The following AKAP13 variants were observed in gnomAD, a reference collection of about 807,000 sequenced individuals.
The protein encoded by AKAP13 is A-kinase anchoring protein 13.
In AKAP13, 80 loss-of-function variants were observed where a neutral mutation model predicts 264.5. The ratio of observed to expected loss-of-function variants is 0.30; its 90% confidence interval spans 0.25 to 0.36. The LOEUF is 0.36. Ranked by LOEUF, AKAP13 falls within the 10% of genes least tolerant of loss-of-function variation. The probability of loss-of-function intolerance (pLI) is 1.00; values close to 1 mark genes in which losing one functional copy is unlikely to be tolerated. For synonymous variants in AKAP13, 1,380 were observed against 1,250.2 expected (o/e 1.10, Z -2.19); for missense variants, 3,712 against 3,435.2 (o/e 1.08, Z -2.01).
intron 8 of AKAP13, among the ~76,000 whole-genome samples, chr15:85,636,870 T>G (rs545732829): frequency 6.6e-6 from 1 of 152,282 alleles, no homozygotes; most frequent in African/African-American, 2.4e-5. Flanking sequence ...CTGCCTTGGC[T>G]TCCCAAAGTG....
intron 8 of AKAP13, among the ~76,000 whole-genome samples, chr15:85,622,542 C>T (rs951623027): frequency 1.3e-5 from 2 of 152,072 alleles, no homozygotes; most frequent in Non-Finnish European, 2.9e-5. Context: ...TCTCAGTGTA[C>T]GTGTTGAAAA....
chr15:85,664,324 A>G (rs1188237658), intron 12 of AKAP13, among the ~76,000 whole-genome samples: 2 of 152,230 alleles, frequency 1.3e-5, no homozygotes, highest in Non-Finnish European at 2.9e-5. Context: ...TAGGTGGTTC[A>G]ACATTTGGAT....
At chr15:85,402,684 T>G (rs1157716141) in intron 1 of AKAP13, among the ~76,000 whole-genome samples, 2 of 152,268 alleles carry the variant, frequency 1.3e-5, no homozygotes, top group African/African-American at 2.4e-5. Context: ...TTTCGAGCAC[T>G]TACTTTGTAG....
chr15:85,444,640 G>A (rs1451684043), intron 1 of AKAP13, among the ~76,000 whole-genome samples: 1 of 152,204 alleles, frequency 6.6e-6, no homozygotes, highest in African/African-American at 2.4e-5. Flanking sequence ...GAATGTCTAA[G>A]ATGGACTACA....
In AKAP13 at chr15:85,715,922, G is replaced by A; in HGVS notation, c.5734G>A (p.Gly1912Arg). ...AAGTGTCTCCATACAGAACATTACT[G>A]GGTAAGTGGAGATATTTAAAGATAG... ...SKSVSIQNIT[G>R]VGNDENMSNT... Residue 1912 changes from glycine to arginine, a missense_variant and splice_region_variant, in exon 20 of 37, where the codon GGA becomes AGA. Gly to Arg is a moderately radical substitution (Grantham distance 125). Around this residue, in one of 3 missense-constraint regions of AKAP13, gnomAD observed 2,759 missense variants for 2,411.7 expected, o/e 1.14. Coordinates refer to ENST00000394518, the MANE Select transcript of AKAP13 (RefSeq NM_007200.5). The A allele has an allele frequency of 6.2e-7, 1 of 1,611,056 alleles. No individual in the cohort carries two copies. The highest frequency in any genetic ancestry group is 8.5e-7 in the Non-Finnish European group (1 of 1,179,252).
intron 1 of AKAP13, among the ~76,000 whole-genome samples, chr15:85,439,675 A>G (rs1260855756): frequency 6.9e-6 from 1 of 145,622 alleles, no homozygotes; most frequent in Non-Finnish European, 1.5e-5. Flanking sequence ...TTGTAGGGAC[A>G]TGGATGAAAT....
At chr15:85,588,376 G>C (rs544505143) in intron 8 of AKAP13, among the ~76,000 whole-genome samples, 51 of 152,316 alleles carry the variant, frequency 3.3e-4, no homozygotes, top group Non-Finnish European at 6.6e-4. Flanking sequence ...GAAGAAAAGA[G>C]AACACACCCT....
chr15:85,738,443 C>CT (rs1010464322), intron 33 of AKAP13, among the ~76,000 whole-genome samples: 2 of 151,866 alleles, frequency 1.3e-5, no homozygotes, highest in Admixed American at 6.6e-5. Flanking sequence ...AGAGCTAAGC[C>CT]TGGTAATTAA....
At chr15:85,605,717 C>T (rs1196379681) in intron 8 of AKAP13, among the ~76,000 whole-genome samples, 1 of 152,146 alleles carries the variant, frequency 6.6e-6, no homozygotes, top group Non-Finnish European at 1.5e-5. Context: ...TGTATTTAGA[C>T]ATATCTCAAG....
intron 8 of AKAP13, among the ~76,000 whole-genome samples, chr15:85,588,961 G>A (rs962411463): frequency 1.3e-5 from 2 of 152,154 alleles, no homozygotes; most frequent in Admixed American, 6.5e-5. Flanking sequence ...TGCTTCCACC[G>A]TGTAGAGTTG....
At chr15:85,624,751 G>A (rs1372944302) in intron 8 of AKAP13, 1 of 152,224 alleles carries the variant, frequency 6.6e-6, no homozygotes, top group East Asian at 1.9e-4. Flanking sequence ...GATACGAACA[G>A]TAACAGAAAC....
At chr15:85,553,084 CTTTTTTTTT>C (rs10693195) in intron 5 of AKAP13, among the ~76,000 whole-genome samples, 1 of 120,402 alleles carries the variant, frequency 8.3e-6, no homozygotes, top group Non-Finnish European at 1.7e-5. Context: ...ATCTGTAATT[CTTTTTTTTT>C]TTTTTTTTTG....
chr15:85,473,820 T>G (rs2075053484), intron 1 of AKAP13, among the ~76,000 whole-genome samples: 1 of 152,218 alleles, frequency 6.6e-6, no homozygotes, highest in African/African-American at 2.4e-5. Context: ...AGGCCTGTGG[T>G]AGGTCAAATG....
At position 85,655,564 on chromosome 15, in the gene AKAP13, C is replaced by T. The variant is rs777821307; in HGVS notation, c.4522C>T (p.Leu1508Phe). The change falls in exon 11 of 37, where the codon CTT becomes TTT. Residue 1508 changes from leucine to phenylalanine, a missense_variant. Around this residue, in one of 3 missense-constraint regions of AKAP13, gnomAD observed 2,759 missense variants for 2,411.7 expected, o/e 1.14. Coordinates refer to ENST00000394518, the MANE Select transcript of AKAP13 (RefSeq NM_007200.5). ...AAACAGGTCAAGAGATCGGCAAAGC[C>T]TTGATGGATTCTACAGCCATGGGAT... ...KPNRSRDRQS[L>F]DGFYSHGMGA... 32 of 1,614,050 alleles carry T rather than the reference C, an allele frequency of 2.0e-5. No individual in the cohort carries two copies. The highest frequency in any genetic ancestry group is 2.6e-5 in the Non-Finnish European group (31 of 1,180,020).
chr15:85,421,027 A>T (rs1390862295), intron 1 of AKAP13, among the ~76,000 whole-genome samples: 1 of 152,184 alleles, frequency 6.6e-6, no homozygotes, highest in East Asian at 1.9e-4. Context: ...CAATATATAG[A>T]CTTTTATTAA....
intron 1 of AKAP13, among the ~76,000 whole-genome samples, chr15:85,439,818 G>T (rs1485331282): frequency 7.1e-5 from 8 of 112,124 alleles, no homozygotes; most frequent in East Asian, 3.0e-4. Context: ...TGGGGACTGT[G>T]GTGGGGTGGG....
chr15:85,470,918 T>G (rs1277489886), intron 1 of AKAP13, among the ~76,000 whole-genome samples: 1 of 152,226 alleles, frequency 6.6e-6, no homozygotes, highest in African/African-American at 2.4e-5. Context: ...CAGTGTAATT[T>G]TAGTCATTCT....
intron 1 of AKAP13, among the ~76,000 whole-genome samples, chr15:85,485,164 A>G (rs1304034957): frequency 6.6e-6 from 1 of 152,236 alleles, no homozygotes; most frequent in Non-Finnish European, 1.5e-5. Flanking sequence ...TTTAGTGAAC[A>G]TAACAATCAG....
intron 8 of AKAP13, among the ~76,000 whole-genome samples, chr15:85,633,330 A>T (rs1004200566): frequency 6.8e-6 from 1 of 147,592 alleles, no homozygotes; most frequent in African/African-American, 2.5e-5. Flanking sequence ...TTGTTGCTGT[A>T]TTCATGCAGC....
Sources: allele counts gnomAD v4.1 joint callset (sites outside exome capture counted in the v4.1 genomes callset), GRCh38; gene constraint gnomAD v4.1.1; regional missense constraint gnomAD v4.1.1; transcripts MANE v1.5; gene names NCBI Gene and HGNC (gene_info 2026-07-23, HGNC 2026-07-21).